Variants in NPRL3 observed in about 807,000 individuals in gnomAD.
NPRL3 encodes the protein NPR3 like, GATOR1 complex subunit.
NPRL3 carries 23 observed loss-of-function variants against 57.2 expected under a neutral mutation model. The observed-to-expected ratio is 0.40, with a 90% CI of 0.29 to 0.57. NPRL3 has a LOEUF of 0.57. Ranked by LOEUF, NPRL3 falls within the 20% of genes least tolerant of loss-of-function variation. The pLI is 0.42. For synonymous variants in NPRL3, 333 were observed against 321.1 expected (o/e 1.04, Z -0.39); for missense variants, 691 against 767.1 (o/e 0.90, Z 1.17).
At chr16:119,447 G>A (rs1042084213) in intron 3 of NPRL3, 192 bp from the exon 4 acceptor site, 2 of 605,478 alleles carry the variant, frequency 3.3e-6, no homozygotes, top group Non-Finnish European at 5.8e-6. Context: ...AAGATCACCA[G>A]AATTACAAGG....
In NPRL3 at chr16:88,744, T is replaced by G. The variant is rs1483643181; in HGVS notation, c.1498A>C (p.Ser500Arg). The change falls in exon 13 of 14, where the codon AGT becomes CGT. Residue 500 changes from serine to arginine, a missense_variant. Coordinates refer to ENST00000611875, the MANE Select transcript of NPRL3 (RefSeq NM_001077350.3). ...TCAGGGTTCTGGGCTGCGGGTACAC[T>G]GAGGATGGCTGCGCGTTCATGCTCC... The part of the protein sequence containing the change: ...LSEHERAAIL[S>R]VPAAQNPEDL... 1.2e-6 allele frequency: 2 copies of G among 1,613,634 alleles called. No homozygotes were observed. Among genetic ancestry groups the G allele is most frequent in the South Asian group, 1.1e-5 (1 of 90,974 alleles).
At chr16:95,350 T>TATATATATATATATATAC (rs1223611120) in intron 9 of NPRL3, among the ~76,000 whole-genome samples, 1 of 110,990 alleles carries the variant, frequency 9.0e-6, no homozygotes, top group African/African-American at 3.7e-5. Context: ...TATATATATA[T>TATATATATATATATATAC]ACACACACAC....
intron 5 of NPRL3, among the ~76,000 whole-genome samples, chr16:115,490 C>CT (rs11441743): frequency 0.8 from 115,703 of 144,996 alleles, 46,723 homozygotes; most frequent in South Asian, 0.88. Flanking sequence ...TTTCCTGTTG[C>CT]TTTTTTTTTT....
chr16:138,338 AGGAGGACGGAGCCGGAGGCGGAGGGGG>A lies in NPRL3; in HGVS notation c.-67-31_-67-5del. 3 of 1,111,016 alleles carry A rather than the reference AGGAGGACGGAGCCGGAGGCGGAGGGGG, an allele frequency of 2.7e-6. No homozygotes were observed. Among genetic ancestry groups the A allele is most frequent in the Non-Finnish European group, 3.8e-6 (3 of 791,444 alleles). 68.8% of individuals were successfully genotyped at this position (1,111,016 alleles called of 1,614,324 possible). A position where few individuals can be genotyped will look rare whatever the true frequency, so the allele number is the denominator to read the frequency against. ...CGGAGCCGGAGGCGGAGGGGGCCTGAGGAGGACGGAGCCGGAGGCGGAGGGGGCCTGAGGAGGACGAGGCGGGGACGC... is the reference window on the plus strand; with the variant it reads ...CGGAGCCGGAGGCGGAGGGGGCCTGACCTGAGGAGGACGAGGCGGGGACGC... On this transcript the variant is annotated splice_polypyrimidine_tract_variant and splice_region_variant and intron_variant, in intron 1 of 13. Transcript: ENST00000611875.
intron 2 of NPRL3, 147 bp from the exon 3 acceptor site, chr16:130,738 A>G (rs968070554): frequency 4.0e-6 from 3 of 742,840 alleles, no homozygotes; most frequent in South Asian, 1.7e-5. Context: ...AGGAATGAAC[A>G]TGGGTGAACC....
At chr16:135,674 G>C (rs1901043822) in intron 2 of NPRL3, among the ~76,000 whole-genome samples, 1 of 146,082 alleles carries the variant, frequency 6.8e-6, no homozygotes, top group South Asian at 2.2e-4. Context: ...TTTTATTGTT[G>C]TTGTTAATAA....
chr16:117,278 T>G (rs1900084764), intron 5 of NPRL3, 23 bp downstream of exon 5: 1 of 1,554,284 alleles, frequency 6.4e-7, no homozygotes, highest in East Asian at 2.2e-5. Context: ...TCCCTGATCT[T>G]AACCATTTAT....
rs115639523 is a variant in NPRL3, at chr16:97,753, G to C, written c.924+392C>G. Among the ~76,000 whole-genome samples the C allele has an allele frequency of 5.9e-3, 898 of 152,248 alleles. 13 individuals are homozygous for C. The highest frequency in any genetic ancestry group is 0.02 in the African/African-American group (849 of 41,528). ...GCACATGGGAGGGCCCCGCATCCAA[G>C]CTTCCTGCCCTTAGTTCCCGTATGT... is the stretch of plus-strand genomic sequence containing the variant. On this transcript the variant is annotated intron_variant, in intron 9 of 13. Transcript: ENST00000611875.
intron 3 of NPRL3, chr16:125,014 T>G (rs1900452831): frequency 6.5e-6 from 1 of 154,554 alleles, no homozygotes; most frequent in African/African-American, 2.7e-5. Context: ...GAGGTGAGGT[T>G]GCAGCAAGCC....
Position 85,852 on chromosome 16 carries a change from C to T in NPRL3, c.*853G>A. On this transcript the variant is annotated 3_prime_UTR_variant, in exon 14 of 14. Transcript: ENST00000611875. ...AATGTTTTATTTCTAGAAAACTGTG[C>T]CTTAGCCAGAGCTCCTCTAGGTGAT... 1.4e-6 allele frequency: 2 copies of T among 1,381,470 alleles called. No individual in the cohort carries two copies. Among genetic ancestry groups the T allele is most frequent in the Non-Finnish European group, 1.9e-6 (2 of 1,064,326 alleles). The allele number at this position is 1,381,470 out of a possible 1,614,324, so 85.6% of individuals were successfully genotyped here.
intron 2 of NPRL3, among the ~76,000 whole-genome samples, chr16:132,589 G>A (rs2141984978): frequency 6.6e-6 from 1 of 152,082 alleles, no homozygotes; most frequent in Admixed American, 6.5e-5. Context: ...ATGCTTTCCA[G>A]AAGGTTTTCA....
Position 85,662 on chromosome 16 carries a change from G to C in NPRL3, c.*1043C>G, listed in dbSNP as rs774213821. 3 of 1,584,064 alleles carry C rather than the reference G, an allele frequency of 1.9e-6. No homozygotes were observed. In the South Asian group the frequency reaches 3.4e-5, roughly 18 times the overall value. On this transcript the variant is annotated 3_prime_UTR_variant, in exon 14 of 14. Transcript: ENST00000611875. ...GAGCCGGCTGTAGTGGCAGCAGCCC[G>C]GGTGGGCGTCGGCCATGCAGGGGAG...
chr16:100,071 G>C (rs534952822), intron 8 of NPRL3, among the ~76,000 whole-genome samples: 5 of 151,354 alleles, frequency 3.3e-5, no homozygotes, highest in Non-Finnish European at 7.4e-5. Context: ...CCATTAAGAT[G>C]AAGTCCCTCC....
At chr16:123,492 A>G (rs1353832493) in intron 3 of NPRL3, 5 of 470,982 alleles carry the variant, frequency 1.1e-5, no homozygotes, top group Admixed American at 2.4e-5. Flanking sequence ...GACGGTGGAG[A>G]GGTCTCGGTC....
chr16:111,405 T>A (rs1185699941), intron 6 of NPRL3, among the ~76,000 whole-genome samples: 2 of 151,820 alleles, frequency 1.3e-5, no homozygotes, highest in East Asian at 3.9e-4. Flanking sequence ...AAAGAAAAAC[T>A]TTATATATTT....
rs546711206 is a variant in NPRL3, at chr16:86,208, C to T, written c.*497G>A. The T allele has an allele frequency of 3.3e-5, 6 of 183,984 alleles. No individual in the cohort carries two copies. The highest frequency in any genetic ancestry group is 1.4e-4 in the East Asian group (1 of 7,224). 11.4% of individuals were successfully genotyped at this position (183,984 alleles called of 1,614,324 possible). A position where few individuals can be genotyped will look rare whatever the true frequency, so the allele number is the denominator to read the frequency against. On this transcript the variant is annotated 3_prime_UTR_variant, in exon 14 of 14. Transcript: ENST00000611875. ...CTCAGGGTAGCCTGGGAGGAAGAAG[C>T]GCATGGCAGACAGAGGTGCTGGGGA...
At chr16:121,861 G>A (rs1400137852) in intron 3 of NPRL3, among the ~76,000 whole-genome samples, 5 of 151,638 alleles carry the variant, frequency 3.3e-5, no homozygotes, top group South Asian at 2.1e-4. Context: ...TGCAACCTCC[G>A]CCTCCCGAGT....
At chr16:101,101 CAG>C (rs1330719101) in intron 7 of NPRL3, among the ~76,000 whole-genome samples, 2 of 152,014 alleles carry the variant, frequency 1.3e-5, no homozygotes, top group East Asian at 3.9e-4. Flanking sequence ...CCTGGGGACT[CAG>C]TGCACTAGAG....
rs367729589 is a variant in NPRL3, at chr16:119,169, C to T, written c.275G>A (p.Arg92Gln). The T allele has an allele frequency of 1.3e-4, 212 of 1,613,128 alleles. No individual in the cohort carries two copies. The highest frequency in any genetic ancestry group is 1.8e-4 in the Non-Finnish European group (208 of 1,179,558). Residue 92 changes from arginine to glutamine, a missense_variant, in exon 4 of 14, where the codon CGA becomes CAA. By Grantham distance (43) the Arg-to-Gln change is conservative (BLOSUM62 1). Transcript: ENST00000611875. Reference protein sequence around the residue: ...QKFELKIDNVRFVGHPTLLQH... With the variant: ...QKFELKIDNVQFVGHPTLLQH... ...TAGCAGTGTTGGGTGCCCAACAAAT[C>T]GCACATTATCAATCTTCAGTTCAAA... is the stretch of plus-strand genomic sequence containing the variant.
Sources: gnomAD v4.1 joint callset for allele counts (sites outside exome capture counted in the v4.1 genomes callset) on GRCh38, gnomAD v4.1.1 for gene constraint, MANE v1.5 for transcripts, NCBI Gene and HGNC (gene_info 2026-07-23, HGNC 2026-07-21) for gene names.